Variants in GCH1 observed in about 807,000 individuals in gnomAD.
GCH1 encodes GTP cyclohydrolase I.
A neutral mutation model predicts 25.9 loss-of-function variants in GCH1; 5 were observed. The ratio of observed to expected loss-of-function variants is 0.19; its 90% confidence interval spans 0.10 to 0.41. The LOEUF (loss-of-function observed/expected upper bound fraction) is 0.41, where lower values mean the gene tolerates loss of function less well. GCH1 is among the 10% of genes least tolerant of loss of function. The pLI is 1.00. For missense variants in GCH1, 261 were observed against 336.5 expected (o/e 0.78, Z 1.75); for synonymous variants, 159 against 129.6 (o/e 1.23, Z -1.54).
chr14:54,864,934 T>C (rs2039969171), intron 2 of GCH1, among the ~76,000 whole-genome samples: 1 of 152,036 alleles, frequency 6.6e-6, no homozygotes, highest in Admixed American at 6.5e-5. Context: ...TACATACATA[T>C]CTATCTTGGA....
chr14:54,886,549 T>C (rs186823770), intron 1 of GCH1, among the ~76,000 whole-genome samples: 4 of 152,300 alleles, frequency 2.6e-5, no homozygotes, highest in East Asian at 1.9e-4. Context: ...GAAGCGGAGC[T>C]TGCAGTGAGC....
intron 4 of GCH1, among the ~76,000 whole-genome samples, chr14:54,846,712 TAA>T (rs1456668566): frequency 1.3e-5 from 2 of 152,256 alleles, no homozygotes; most frequent in Admixed American, 1.3e-4. Flanking sequence ...TACATTTTTA[TAA>T]GTCATACTTA....
At chr14:54,890,165 T>A (rs764995706) in intron 1 of GCH1, among the ~76,000 whole-genome samples, 42 of 152,188 alleles carry the variant, frequency 2.8e-4, no homozygotes, top group Non-Finnish European at 5.6e-4. Context: ...TGAGCATGAT[T>A]AGCCAAGGGG....
At chr14:54,885,561 G>C in intron 1 of GCH1, 1 of 387,412 alleles carries the variant, frequency 2.6e-6, no homozygotes. Context: ...AGCAAGGTGA[G>C]GGATGAATCC....
intron 1 of GCH1, among the ~76,000 whole-genome samples, chr14:54,888,692 T>G (rs552705923): frequency 7.3e-4 from 108 of 147,738 alleles, no homozygotes; most frequent in African/African-American, 2.6e-3. Flanking sequence ...TTTTTTTTTT[T>G]TTTTGTATTT....
intron 1 of GCH1, among the ~76,000 whole-genome samples, chr14:54,891,768 C>T (rs987357677): frequency 2.6e-5 from 4 of 152,140 alleles, no homozygotes; most frequent in Admixed American, 2.6e-4. Context: ...AATCTCCAGC[C>T]CTTCTGCCCA....
At chr14:54,853,205 C>T (rs188927073) in intron 3 of GCH1, among the ~76,000 whole-genome samples, 124 of 152,232 alleles carry the variant, frequency 8.1e-4, no homozygotes, top group African/African-American at 2.8e-3. Flanking sequence ...CTCAGGTGAC[C>T]CACCTGCCTT....
chr14:54,847,152 T>C (rs1594971333), intron 3 of GCH1, 22 bp from the exon 4 acceptor site: 2 of 932,440 alleles, frequency 2.1e-6, no homozygotes, highest in Non-Finnish European at 3.4e-6. Context: ...AGAATTGTTT[T>C]AGTTAATCAC....
chr14:54,875,873 A>T (rs2040152090), intron 1 of GCH1, among the ~76,000 whole-genome samples: 1 of 152,238 alleles, frequency 6.6e-6, no homozygotes, highest in African/African-American at 2.4e-5. Context: ...ATGTGGAGAA[A>T]CAGGAACACT....
intron 1 of GCH1, among the ~76,000 whole-genome samples, chr14:54,877,045 T>C (rs1466151371): frequency 2.0e-5 from 3 of 152,242 alleles, no homozygotes; most frequent in African/African-American, 7.2e-5. Context: ...CTATGCCCCA[T>C]TTTATTAAAA....
chr14:54,880,987 G>T (rs1228940912), intron 1 of GCH1, among the ~76,000 whole-genome samples: 1 of 150,862 alleles, frequency 6.6e-6, no homozygotes, highest in Non-Finnish European at 1.5e-5. Context: ...ACCATGCCTG[G>T]CTAATTTTTG....
intron 3 of GCH1, among the ~76,000 whole-genome samples, chr14:54,857,117 C>A (rs776229537): frequency 1.2e-4 from 19 of 152,118 alleles, no homozygotes; most frequent in Admixed American, 2.6e-4. Flanking sequence ...TTAATAGACT[C>A]TTTATTCAAA....
chr14:54,883,904 A>G (rs2040310445), intron 1 of GCH1, among the ~76,000 whole-genome samples: 1 of 152,040 alleles, frequency 6.6e-6, no homozygotes, highest in South Asian at 2.1e-4. Flanking sequence ...GGCAGGAAGG[A>G]CCCAGGTAGA....
chr14:54,867,098 T>C (rs2039998428), intron 1 of GCH1, among the ~76,000 whole-genome samples: 1 of 152,194 alleles, frequency 6.6e-6, no homozygotes, highest in Non-Finnish European at 1.5e-5. Context: ...CTTACTAAAA[T>C]CTTTAGTCAC....
intron 1 of GCH1, 130 bp downstream of exon 1, chr14:54,902,191 G>T: frequency 9.9e-7 from 1 of 1,007,316 alleles, no homozygotes; most frequent in Non-Finnish European, 1.5e-6. Flanking sequence ...GGGCGGGTTC[G>T]GAGGTGACAG....
At chr14:54,861,638 G>T (rs186508531) in intron 2 of GCH1, among the ~76,000 whole-genome samples, 1 of 151,734 alleles carries the variant, frequency 6.6e-6, no homozygotes, top group Non-Finnish European at 1.5e-5. Context: ...CAGAAGAATT[G>T]CTTGAACCTG....
At chr14:54,899,950 C>T (rs1283695136) in intron 1 of GCH1, among the ~76,000 whole-genome samples, 3 of 151,916 alleles carry the variant, frequency 2.0e-5, no homozygotes, top group South Asian at 2.1e-4. Context: ...CTGCAACCTC[C>T]GCCTCCAGGG....
intron 1 of GCH1, chr14:54,885,266 T>C (rs2040334978): frequency 9.2e-6 from 2 of 216,792 alleles, no homozygotes; most frequent in Middle Eastern, 3.7e-3. Context: ...AGCTTCAGGA[T>C]GGTAGAAGAA....
chr14:54,883,649 A>T (rs1322950870), intron 1 of GCH1, among the ~76,000 whole-genome samples: 3 of 152,150 alleles, frequency 2.0e-5, no homozygotes, highest in South Asian at 2.1e-4. Flanking sequence ...ACTGCACTCC[A>T]GCCTGGGAGA....
Sources: allele counts gnomAD v4.1 joint callset (sites outside exome capture counted in the v4.1 genomes callset), GRCh38; gene constraint gnomAD v4.1.1; transcripts MANE v1.5; gene names NCBI Gene and HGNC (gene_info 2026-07-23, HGNC 2026-07-21).